ARB2A: variants seen among roughly 807,000 people sequenced by gnomAD.
The protein encoded by ARB2A is cotranscriptional regulator ARB2A.
chr5:94,060,671 A>G, the ARB2A span, among the ~76,000 whole-genome samples: 1 of 152,222 alleles, frequency 6.6e-6, no homozygotes, highest in African/African-American at 2.4e-5. Flanking sequence ...GAAGATCAGT[A>G]TTACCCTGAT....
chr5:93,897,408 G>A, the ARB2A span, among the ~76,000 whole-genome samples: 1 of 151,930 alleles, frequency 6.6e-6, no homozygotes, highest in Admixed American at 6.6e-5. Context: ...AAAATTTTTG[G>A]AAAGTTTGTA....
At chr5:94,092,398 A>G in the ARB2A span, among the ~76,000 whole-genome samples, 1 of 152,146 alleles carries the variant, frequency 6.6e-6, no homozygotes, top group African/African-American at 2.4e-5. Context: ...ATCATGATGT[A>G]TCTTCCTGTG....
the ARB2A span, among the ~76,000 whole-genome samples, chr5:93,799,488 A>G: frequency 9.9e-5 from 15 of 152,218 alleles, no homozygotes; most frequent in Admixed American, 6.5e-4. Flanking sequence ...ACGATTAGCT[A>G]CAGCACAGTG....
At chr5:93,864,358 G>C in the ARB2A span, among the ~76,000 whole-genome samples, 3 of 152,088 alleles carry the variant, frequency 2.0e-5, no homozygotes, top group Admixed American at 6.6e-5. Context: ...ATATTAAATG[G>C]TTGTGACAGG....
At chr5:93,955,189 G>A in the ARB2A span, among the ~76,000 whole-genome samples, 1 of 152,244 alleles carries the variant, frequency 6.6e-6, no homozygotes, top group South Asian at 2.1e-4. Context: ...TTAACTTGAT[G>A]TCCTTGCAGT....
chr5:93,620,282 T>C, the ARB2A span: 5 of 152,172 alleles, frequency 3.3e-5, no homozygotes, highest in Admixed American at 1.3e-4. Context: ...CTCTCACAAT[T>C]AGCTGGCAAA....
At chr5:93,958,052 T>C in the ARB2A span, among the ~76,000 whole-genome samples, 15 of 152,076 alleles carry the variant, frequency 9.9e-5, no homozygotes, top group African/African-American at 3.6e-4. Context: ...ATGAATGCAA[T>C]AGTAAAACAA....
chr5:93,838,183 T>C, the ARB2A span, among the ~76,000 whole-genome samples: 1 of 152,194 alleles, frequency 6.6e-6, no homozygotes, highest in Non-Finnish European at 1.5e-5. Context: ...GATCTGTGTA[T>C]ATGATGTCTG....
At chr5:93,960,666 A>G in the ARB2A span, among the ~76,000 whole-genome samples, 1 of 152,244 alleles carries the variant, frequency 6.6e-6, no homozygotes, top group Non-Finnish European at 1.5e-5. Flanking sequence ...TAACTAAATA[A>G]TGGATCCTCT....
chr5:93,741,652 C>G, the ARB2A span: 122 of 1,412,410 alleles, frequency 8.6e-5, no homozygotes, highest in Middle Eastern at 2.6e-4. Context: ...GCCCCGCCCC[C>G]CAGTGGGCGG....
chr5:93,972,815 C>G, the ARB2A span, among the ~76,000 whole-genome samples: 20 of 151,920 alleles, frequency 1.3e-4, no homozygotes, highest in Non-Finnish European at 2.8e-4. Flanking sequence ...GTGGCTCACG[C>G]CTGTGATCTT....
the ARB2A span, among the ~76,000 whole-genome samples, chr5:93,913,791 A>G: frequency 6.6e-6 from 1 of 151,996 alleles, no homozygotes; most frequent in African/African-American, 2.4e-5. Flanking sequence ...TCCAATATAA[A>G]CTTCTACAAA....
the ARB2A span, among the ~76,000 whole-genome samples, chr5:94,066,422 GCA>G: frequency 0.09 from 11,877 of 132,248 alleles, 495 homozygotes; most frequent in African/African-American, 0.12. Flanking sequence ...GCCAGACTAA[GCA>G]CACACACACA....
At chr5:94,097,033 G>A in the ARB2A span, among the ~76,000 whole-genome samples, 23 of 152,302 alleles carry the variant, frequency 1.5e-4, no homozygotes, top group Admixed American at 1.3e-3. Context: ...GCAGGGACAG[G>A]ACTCCAGCCT....
the ARB2A span, among the ~76,000 whole-genome samples, chr5:93,689,151 C>T: frequency 5.3e-5 from 8 of 152,006 alleles, no homozygotes; most frequent in South Asian, 4.1e-4. Flanking sequence ...GACTTTTTTT[C>T]GGTTGTCAAA....
chr5:93,772,589 G>A, the ARB2A span, among the ~76,000 whole-genome samples: 1 of 152,130 alleles, frequency 6.6e-6, no homozygotes, highest in East Asian at 1.9e-4. Context: ...CAGTTTTTGT[G>A]GGTCAGAAAT....
At chr5:93,994,369 T>C in the ARB2A span, among the ~76,000 whole-genome samples, 4 of 152,294 alleles carry the variant, frequency 2.6e-5, no homozygotes, top group South Asian at 8.3e-4. Context: ...TTTGAAGACA[T>C]ATATGAACCT....
chr5:93,964,521 G>C, the ARB2A span: 1 of 1,568,336 alleles, frequency 6.4e-7, no homozygotes. Flanking sequence ...ACTTCGTGAT[G>C]ATCTAAGTAG....
At chr5:93,811,489 A>G in the ARB2A span, among the ~76,000 whole-genome samples, 174 of 152,244 alleles carry the variant, frequency 1.1e-3, 1 homozygote, top group African/African-American at 3.6e-3. Flanking sequence ...ATATAACTCA[A>G]CAGAGAAATG....
Sources: allele counts gnomAD v4.1 joint callset (sites outside exome capture counted in the v4.1 genomes callset), GRCh38; gene constraint gnomAD v4.1.1; transcripts MANE v1.5; gene names NCBI Gene and HGNC (gene_info 2026-07-23, HGNC 2026-07-21).